DPP10: variants seen among roughly 807,000 people sequenced by gnomAD.
The protein encoded by DPP10 is inactive dipeptidyl peptidase 10.
Under a neutral mutation model 120.9 loss-of-function variants are expected in DPP10, and 33 were observed. The ratio of observed to expected loss-of-function variants is 0.27; its 90% CI spans 0.21 to 0.37. The LOEUF is 0.37. DPP10 is among the 10% of genes least tolerant of loss of function. DPP10 has a pLI of 1.00. For synonymous variants in DPP10, 337 were observed against 326.1 expected (o/e 1.03, Z -0.36); for missense variants, 816 against 942.8 (o/e 0.87, Z 1.76).
intron 1 of DPP10, among the ~76,000 whole-genome samples, chr2:114,782,851 G>C (rs955397160): frequency 3.3e-5 from 5 of 152,052 alleles, no homozygotes; most frequent in Non-Finnish European, 7.4e-5. Context: ...GCAGTGAAAA[G>C]AACAGAGTGA....
intron 1 of DPP10, among the ~76,000 whole-genome samples, chr2:114,631,607 G>C (rs1466619490): frequency 6.6e-6 from 1 of 152,122 alleles, no homozygotes; most frequent in African/African-American, 2.4e-5. Flanking sequence ...TGCGTGTCCA[G>C]TGTCAGGAAA....
chr2:114,946,424 G>GT (rs1697350770), intron 1 of DPP10, among the ~76,000 whole-genome samples: 1 of 152,064 alleles, frequency 6.6e-6, no homozygotes, highest in South Asian at 2.1e-4. Flanking sequence ...GTGAAAATAT[G>GT]TAACACTACT....
chr2:115,185,410 A>G (rs2054366221), intron 1 of DPP10, among the ~76,000 whole-genome samples: 1 of 152,184 alleles, frequency 6.6e-6, no homozygotes, highest in African/African-American at 2.4e-5. Context: ...AGAGCATTTC[A>G]ACAAAGAAAT....
intron 3 of DPP10, among the ~76,000 whole-genome samples, chr2:115,387,617 T>C (rs894213982): frequency 6.6e-6 from 1 of 152,184 alleles, no homozygotes; most frequent in Non-Finnish European, 1.5e-5. Flanking sequence ...TTTTATGCAA[T>C]TGGTACATTC....
rs148801817 is a variant in DPP10 at position 115,400,455 on chromosome 2, C to T, written c.271+56543C>T. Among the ~76,000 whole-genome samples, 1,190 of 148,624 alleles carry T rather than the reference C, an allele frequency of 8.0e-3. 26 individuals are homozygous for T. The highest frequency in any genetic ancestry group is 0.03 in the East Asian group (150 of 5,060). ...GCAAGTACAGATGCTTCTAGACTTA[C>T]AATCATGATATCTACCCATAAGTAA... On this transcript the variant is annotated intron_variant, in intron 3 of 25. Coordinates refer to ENST00000410059, the MANE Select transcript of DPP10 (RefSeq NM_020868.6).
intron 1 of DPP10, among the ~76,000 whole-genome samples, chr2:115,031,906 A>G (rs527620267): frequency 2.0e-5 from 3 of 152,294 alleles, no homozygotes; most frequent in African/African-American, 4.8e-5. Context: ...CATCCTATAT[A>G]TAATATACTA....
chr2:115,439,673 A>G (rs1447829282), intron 3 of DPP10, among the ~76,000 whole-genome samples: 4 of 152,192 alleles, frequency 2.6e-5, no homozygotes, highest in Non-Finnish European at 4.4e-5. Context: ...GTGATCTCCT[A>G]TGTGGCAGTG....
chr2:115,392,499 T>C (rs894084967), intron 3 of DPP10, among the ~76,000 whole-genome samples: 3 of 152,180 alleles, frequency 2.0e-5, no homozygotes, highest in African/African-American at 7.2e-5. Flanking sequence ...AAAACGTGTA[T>C]ACATAATTAC....
chr2:114,626,286 G>A (rs1038559283), intron 1 of DPP10, among the ~76,000 whole-genome samples: 1 of 151,948 alleles, frequency 6.6e-6, no homozygotes, highest in African/African-American at 2.4e-5. Flanking sequence ...TCTCAGTGTA[G>A]ATATACAGTG....
intron 1 of DPP10, among the ~76,000 whole-genome samples, chr2:114,512,339 C>A (rs1395767197): frequency 6.6e-6 from 1 of 152,126 alleles, no homozygotes; most frequent in African/African-American, 2.4e-5. Context: ...ACTAAACTAA[C>A]CATCCCTTCC....
intron 1 of DPP10, among the ~76,000 whole-genome samples, chr2:115,306,351 T>G (rs2061359640): frequency 6.6e-6 from 1 of 151,998 alleles, no homozygotes; most frequent in African/African-American, 2.4e-5. Flanking sequence ...AGGAATGGAA[T>G]GGTGATGTGA....
intron 5 of DPP10, among the ~76,000 whole-genome samples, chr2:115,574,338 A>G (rs889765452): frequency 2.0e-5 from 3 of 152,154 alleles, no homozygotes; most frequent in Admixed American, 1.3e-4. Context: ...AATGAGACAT[A>G]AGAGGACTTT....
chr2:114,975,745 G>C (rs1224268519), intron 1 of DPP10, among the ~76,000 whole-genome samples: 6 of 152,012 alleles, frequency 3.9e-5, no homozygotes, highest in Non-Finnish European at 5.9e-5. Context: ...CGACCTCCTG[G>C]GTTCAAGCAA....
At chr2:115,442,272 A>G (rs147578704) in intron 3 of DPP10, among the ~76,000 whole-genome samples, 104 of 152,124 alleles carry the variant, frequency 6.8e-4, no homozygotes, top group African/African-American at 2.4e-3. Context: ...ATCAGAATCT[A>G]ATTCCTTGAT....
At chr2:114,688,007 T>TG (rs1477131181) in intron 1 of DPP10, among the ~76,000 whole-genome samples, 6 of 152,036 alleles carry the variant, frequency 3.9e-5, no homozygotes, top group Admixed American at 6.6e-5. Context: ...CACTTATAGA[T>TG]GATAAATTTA....
intron 1 of DPP10, among the ~76,000 whole-genome samples, chr2:114,893,467 G>T (rs1043171926): frequency 2.6e-5 from 4 of 152,008 alleles, no homozygotes; most frequent in Non-Finnish European, 5.9e-5. Flanking sequence ...AATATTGGGG[G>T]GTGGATGGGG....
intron 1 of DPP10, among the ~76,000 whole-genome samples, chr2:115,189,501 A>C (rs950531263): frequency 6.6e-6 from 1 of 152,200 alleles, no homozygotes; most frequent in Non-Finnish European, 1.5e-5. Context: ...TTAAACTTTA[A>C]AATGGAGCAT....
chr2:115,343,653 A>G (rs1403157804), intron 2 of DPP10, among the ~76,000 whole-genome samples, 164 bp from the exon 3 acceptor site: 1 of 152,142 alleles, frequency 6.6e-6, no homozygotes, highest in African/African-American at 2.4e-5. Context: ...TTATTTAAAA[A>G]GTCATTAAAC....
intron 1 of DPP10, among the ~76,000 whole-genome samples, chr2:115,000,667 T>C (rs12618618): frequency 0.11 from 16,957 of 152,158 alleles, 1,257 homozygotes; most frequent in East Asian, 0.34. Context: ...TTATAAAATA[T>C]ACTACTATAA....
Sources: gnomAD v4.1 joint callset for allele counts (sites outside exome capture counted in the v4.1 genomes callset) on GRCh38, gnomAD v4.1.1 for gene constraint, MANE v1.5 for transcripts, NCBI Gene and HGNC (gene_info 2026-07-23, HGNC 2026-07-21) for gene names.